The following SLC2A10 variants were observed in gnomAD, a reference collection of about 807,000 sequenced individuals.
SLC2A10 encodes solute carrier family 2 member 10, also known as solute carrier family 2, facilitated glucose transporter member 10.
In SLC2A10, 25 loss-of-function variants were observed where a neutral mutation model predicts 32.1. The observed-to-expected ratio is 0.78, with a 90% CI of 0.57 to 1.09. SLC2A10 has a LOEUF of 1.09. SLC2A10 is among the 50% of genes least tolerant of loss of function. SLC2A10 has a pLI of 0.00. For synonymous variants in SLC2A10, 332 were observed against 309.6 expected (o/e 1.07, Z -0.76); for missense variants, 673 against 686.5 (o/e 0.98, Z 0.22).
At chr20:46,708,975 C>A (rs945871862), upstream of SLC2A10, among the ~76,000 whole-genome samples, 3 of 152,236 alleles carry the variant, frequency 2.0e-5, no homozygotes, top group African/African-American at 7.2e-5. Flanking sequence ...TCTGCCTAAC[C>A]CACCACCGTA....
intron 1 of SLC2A10, among the ~76,000 whole-genome samples, chr20:46,717,618 C>T (rs568549527): frequency 1.3e-5 from 2 of 152,294 alleles, no homozygotes; most frequent in Admixed American, 6.5e-5. Flanking sequence ...CTCCTGACCA[C>T]AGGTGATCCA....
chr20:46,714,281 G>T (rs1318335979), intron 1 of SLC2A10, among the ~76,000 whole-genome samples: 1 of 152,172 alleles, frequency 6.6e-6, no homozygotes, highest in Non-Finnish European at 1.5e-5. Context: ...CACCCACGTG[G>T]TATTCACCTC....
At chr20:46,733,273 AG>A (rs1344573604) in intron 4 of SLC2A10, among the ~76,000 whole-genome samples, 1 of 152,140 alleles carries the variant, frequency 6.6e-6, no homozygotes, top group East Asian at 1.9e-4. Context: ...TGGCGGGAGC[AG>A]GGGGTGGTGC....
intron 1 of SLC2A10, 50 bp from the exon 2 acceptor site, chr20:46,724,991 G>A: frequency 6.2e-7 from 1 of 1,613,178 alleles, no homozygotes; most frequent in Non-Finnish European, 8.5e-7. Flanking sequence ...TGGATGGATG[G>A]TATGACAAGG....
chr20:46,728,056 G>A (rs901405426), intron 3 of SLC2A10, among the ~76,000 whole-genome samples: 8 of 152,022 alleles, frequency 5.3e-5, no homozygotes, highest in African/African-American at 1.9e-4. Context: ...GAGTAAATGA[G>A]TGAGAGAGGA....
intron 3 of SLC2A10, 128 bp downstream of exon 3, chr20:46,727,114 G>A (rs1980017863): frequency 1.6e-6 from 2 of 1,277,376 alleles, no homozygotes; most frequent in Middle Eastern, 1.8e-4. Flanking sequence ...ATCATCAAAT[G>A]TCCAAGACGA....
intron 1 of SLC2A10, among the ~76,000 whole-genome samples, chr20:46,724,701 T>C (rs1979755475): frequency 6.7e-6 from 1 of 148,278 alleles, no homozygotes; most frequent in African/African-American, 2.5e-5. Flanking sequence ...GATGGATAGA[T>C]GGATCAGTGA....
chr20:46,726,270 G>A lies in SLC2A10; in HGVS notation c.1234G>A (p.Ala412Thr), dbSNP rs746203433. Residue 412 changes from alanine to threonine, a missense_variant, in exon 2 of 5, where the codon GCA (alanine) becomes ACA (threonine). Transcript: ENST00000359271. The stretch of plus-strand genomic sequence containing the variant: ...GGGGCATGCACTGCTGCGCTGGACC[G>A]CACTGCTGTGCCTGATGGTCTTTGT... Reference protein sequence around the residue: ...ARGHALLRWTALLCLMVFVSA... With the variant: ...ARGHALLRWTTLLCLMVFVSA... 143 of 1,612,644 alleles carry A rather than the reference G, an allele frequency of 8.9e-5. 2 individuals are homozygous for A. The South Asian group carries it at 1.0e-3, about 12-fold the overall frequency.
chr20:46,725,340 G>C lies in SLC2A10; in HGVS notation c.304G>C (p.Val102Leu). The C allele has an allele frequency of 6.2e-7, 1 of 1,614,084 alleles. No homozygotes were observed. The highest frequency in any genetic ancestry group is 1.1e-5 in the South Asian group (1 of 91,086). The change falls in exon 2 of 5, where the codon GTC (valine) becomes CTC (leucine). Residue 102 changes from valine to leucine, a missense_variant. Transcript: ENST00000359271. ...LGLAGSLAWL[V>L]LGRAVVGFAI... ...CCTGGCTGGTTCCCTGGCCTGGCTG[G>C]TCCTGGGCCGCGCTGTGGTTGGCTT...
At chr20:46,718,037 T>C (rs1979352034) in intron 1 of SLC2A10, among the ~76,000 whole-genome samples, 1 of 152,006 alleles carries the variant, frequency 6.6e-6, no homozygotes, top group East Asian at 1.9e-4. Flanking sequence ...GCCTGGGCAA[T>C]GTAGTGAGAC....
At chr20:46,716,187 C>G (rs560357554) in intron 1 of SLC2A10, among the ~76,000 whole-genome samples, 1 of 148,394 alleles carries the variant, frequency 6.7e-6, no homozygotes, top group Non-Finnish European at 1.5e-5. Context: ...GGATCTTGCT[C>G]TGTTGTCCAG....
At chr20:46,728,605 T>C (rs796350188) in intron 3 of SLC2A10, among the ~76,000 whole-genome samples, 17 of 73,822 alleles carry the variant, frequency 2.3e-4, no homozygotes, top group African/African-American at 1.5e-3. Context: ...TCTGGGTGTG[T>C]TTTTTTTTTT....
chr20:46,731,064 C>T (rs1251383392), intron 4 of SLC2A10, among the ~76,000 whole-genome samples: 1 of 152,192 alleles, frequency 6.6e-6, no homozygotes, highest in Non-Finnish European at 1.5e-5. Flanking sequence ...TTTCGGCAGG[C>T]GCCTCAGCAA....
chr20:46,729,505 G>A lies in SLC2A10; in HGVS notation c.1547+17G>A. 2 of 1,613,696 alleles carry A rather than the reference G, an allele frequency of 1.2e-6. No individual in the cohort carries two copies. Among genetic ancestry groups the A allele is most frequent in the African/African-American group, 1.3e-5 (1 of 75,024 alleles). On this transcript the variant is annotated intron_variant, in intron 4 of 4. Transcript: ENST00000359271. ...GAAGAGACGGTAGGAAGCTGACAGGGTGGGTCTGGGGGAAGAGCTGTAGCA... is the reference window on the plus strand; with the variant it reads ...GAAGAGACGGTAGGAAGCTGACAGGATGGGTCTGGGGGAAGAGCTGTAGCA...
At chr20:46,733,597 T>TG (rs1474130614) in intron 4 of SLC2A10, among the ~76,000 whole-genome samples, 159 bp from the exon 5 acceptor site, 2 of 151,932 alleles carry the variant, frequency 1.3e-5, no homozygotes, top group Non-Finnish European at 2.9e-5. Context: ...GGGGTCCAGG[T>TG]GAGAGAAGGT....
intron 1 of SLC2A10, among the ~76,000 whole-genome samples, chr20:46,721,676 T>C (rs1979563756): frequency 6.6e-6 from 1 of 152,242 alleles, no homozygotes; most frequent in Non-Finnish European, 1.5e-5. Flanking sequence ...CTATTTCTTG[T>C]TATCTTTTGG....
At position 46,733,857 on chromosome 20, in the gene SLC2A10, C is replaced by T; in HGVS notation, c.*23C>T. The T allele has an allele frequency of 6.2e-7, 1 of 1,611,120 alleles. No individual in the cohort carries two copies. Among genetic ancestry groups the T allele is most frequent in the Non-Finnish European group, 8.5e-7 (1 of 1,177,354 alleles). On this transcript the variant is annotated 3_prime_UTR_variant, in exon 5 of 5. Coordinates refer to ENST00000359271, the MANE Select transcript of SLC2A10 (RefSeq NM_030777.4). The stretch of plus-strand genomic sequence containing the variant: ...TGAGGAATCCGTCTGCCTGGAAATT[C>T]TGGAACTGTGGCTTTGGCAGACCAT...
At position 46,730,915 on chromosome 20, in the gene SLC2A10, A is replaced by T. The variant is rs538228276; in HGVS notation, c.1547+1427A>T. ...GGGAAGTCATAAAACGTTTTAAAAA[A>T]TCATTCTATTATTGACTAGCATCCC... On this transcript the variant is annotated intron_variant, in intron 4 of 4. Transcript: ENST00000359271. Among the ~76,000 whole-genome samples the T allele has an allele frequency of 5.3e-5, 8 of 152,316 alleles. No individual in the cohort carries two copies. In the East Asian group the frequency reaches 1.5e-3, roughly 29 times the overall value.
chr20:46,714,866 T>C (rs781177839), intron 1 of SLC2A10, among the ~76,000 whole-genome samples: 5 of 152,116 alleles, frequency 3.3e-5, no homozygotes, highest in Non-Finnish European at 5.9e-5. Flanking sequence ...TGCCACAGTA[T>C]CATTTCACCA....
Sources: allele counts gnomAD v4.1 joint callset (sites outside exome capture counted in the v4.1 genomes callset), GRCh38; gene constraint gnomAD v4.1.1; transcripts MANE v1.5; gene names NCBI Gene and HGNC (gene_info 2026-07-23, HGNC 2026-07-21).